Variants in PAWR observed in about 807,000 individuals in gnomAD.
PAWR encodes the protein PRKC apoptosis WT1 regulator protein.
A neutral mutation model predicts 32.0 loss-of-function variants in PAWR; 23 were observed. That is an observed-to-expected ratio of 0.72 (90% CI 0.52 to 1.02). PAWR has a LOEUF of 1.02. PAWR is among the 50% of genes least tolerant of loss of function. PAWR has a pLI of 0.00. For synonymous variants in PAWR, 226 were observed against 187.1 expected, an observed-to-expected ratio of 1.21 and a Z score of -1.70; for missense variants, 457 against 437.7, an observed-to-expected ratio of 1.04 and a Z score of -0.39.
chr12:79,634,363 A>G (rs1407944701), intron 2 of PAWR, among the ~76,000 whole-genome samples: 1 of 152,202 alleles, frequency 6.6e-6, no homozygotes, highest in East Asian at 1.9e-4. Flanking sequence ...CTCAGATTTT[A>G]GAACTGGAAA....
rs1332697993 is a variant in PAWR, at chr12:79,586,775, T to C, written c.*5832A>G. ...AGGATTTTGATTCAGTCATAACAGA[T>C]TTTTGAAAGTGACAGTAAAATTATG... On this transcript the variant is annotated 3_prime_UTR_variant, in exon 7 of 7. Coordinates refer to ENST00000328827, the MANE Select transcript of PAWR (RefSeq NM_002583.4). The C allele has an allele frequency of 3.3e-5, 5 of 152,168 alleles. No individual in the cohort carries two copies. The East Asian group carries it at 9.6e-4, about 29-fold the overall frequency. The allele number at this position is 152,168 out of a possible 1,614,324, so 9.4% of individuals were successfully genotyped here.
intron 4 of PAWR, among the ~76,000 whole-genome samples, chr12:79,598,176 G>A (rs1473182692): frequency 6.6e-6 from 1 of 152,214 alleles, no homozygotes. Context: ...TATCAACTTG[G>A]TATGTTGTGT....
rs1873668811 is a variant in PAWR at position 79,594,363 on chromosome 12, C to T, written c.902G>A (p.Gly301Glu). The T allele has an allele frequency of 1.9e-6, 3 of 1,551,274 alleles. No individual in the cohort carries two copies. Among genetic ancestry groups the T allele is most frequent in the Non-Finnish European group, 2.7e-6 (3 of 1,131,574 alleles). Reference sequence around the variant, plus strand: ...TAAATCAATTTCTTCTTTGAGTTTTCCAATCATTTCCTCTTTATCTTGCAT... The same window carrying T: ...TAAATCAATTTCTTCTTTGAGTTTTTCAATCATTTCCTCTTTATCTTGCAT... ...RLMQDKEEMI[G>E]KLKEEIDLLN... Residue 301 changes from glycine (G) to glutamate (E), a missense_variant, in exon 6 of 7, where the codon GGA (glycine) becomes GAA (glutamate). Physicochemically the swap from Gly to Glu is moderately conservative, Grantham distance 98. Coordinates refer to ENST00000328827, the MANE Select transcript of PAWR (RefSeq NM_002583.4).
chr12:79,681,582 G>A (rs1878449490), intron 2 of PAWR, among the ~76,000 whole-genome samples: 1 of 152,084 alleles, frequency 6.6e-6, no homozygotes, highest in Admixed American at 6.5e-5. Flanking sequence ...CATTTCTCAA[G>A]TAGATTCAAA....
Position 79,690,382 on chromosome 12 carries a change from G to A in PAWR, c.-138C>T. ...AGGGACGGCCGCCGCTCCCACAGCA[G>A]CCGGCGGGGCTGAGGTGAAAGACAA... is the stretch of plus-strand genomic sequence containing the variant. On this transcript the variant is annotated 5_prime_UTR_variant, in exon 2 of 7. Coordinates refer to ENST00000328827, the MANE Select transcript of PAWR (RefSeq NM_002583.4). 1.5e-6 allele frequency: 2 copies of A among 1,348,358 alleles called. No homozygotes were observed. The highest frequency in any genetic ancestry group is 1.8e-5 in the South Asian group (1 of 56,198). 83.5% of individuals were successfully genotyped at this position (1,348,358 alleles called of 1,614,324 possible). A position where few individuals can be genotyped will look rare whatever the true frequency, so the allele number is the denominator to read the frequency against.
At chr12:79,634,530 TGAA>T (rs1413427714) in intron 2 of PAWR, among the ~76,000 whole-genome samples, 2 of 152,188 alleles carry the variant, frequency 1.3e-5, no homozygotes, top group Non-Finnish European at 2.9e-5. Flanking sequence ...ACACATTTGT[TGAA>T]TAGTGCAGTC....
At position 79,661,248 on chromosome 12, in the gene PAWR, C is replaced by CAAAA. The variant is rs397967995; in HGVS notation, c.516+28477_516+28480dup. On this transcript the variant is annotated intron_variant, in intron 2 of 6. Transcript: ENST00000328827. ...TGGGCGAAGAAGCGAGACTCTGTCT[C>CAAAA]AAAAAAAAAAAAAAAAAAAAGAACT... is the stretch of plus-strand genomic sequence containing the variant. 2.7e-4 allele frequency among the ~76,000 whole-genome samples: 19 copies of CAAAA among 71,434 alleles called. 1 individual carries two copies. Among genetic ancestry groups the CAAAA allele is most frequent in the Non-Finnish European group, 2.7e-4 (8 of 29,802 alleles). 46.9% of individuals were successfully genotyped at this position (71,434 alleles called of 152,430 possible). A position where few individuals can be genotyped will look rare whatever the true frequency, so the allele number is the denominator to read the frequency against.
At chr12:79,639,855 C>T (rs1876205596) in intron 2 of PAWR, among the ~76,000 whole-genome samples, 1 of 122,798 alleles carries the variant, frequency 8.1e-6, no homozygotes, top group Admixed American at 8.6e-5. Context: ...TATTCCTATT[C>T]CTATTCCTAT....
intron 5 of PAWR, among the ~76,000 whole-genome samples, chr12:79,595,514 T>C (rs1172035283): frequency 2.0e-5 from 3 of 152,218 alleles, no homozygotes; most frequent in Non-Finnish European, 2.9e-5. Flanking sequence ...TCTTCAAAAC[T>C]ATTAGATTAC....
intron 3 of PAWR, among the ~76,000 whole-genome samples, chr12:79,619,205 T>G (rs1874886695): frequency 6.6e-6 from 1 of 152,176 alleles, no homozygotes; most frequent in African/African-American, 2.4e-5. Flanking sequence ...ATCATCCCTT[T>G]GTAAAATGTA....
intron 2 of PAWR, among the ~76,000 whole-genome samples, chr12:79,657,763 C>T (rs572215189): frequency 9.9e-5 from 15 of 151,696 alleles, no homozygotes; most frequent in Admixed American, 9.8e-4. Context: ...CACTGCACCC[C>T]AGCCTGGGCC....
chr12:79,630,858 C>CAA (rs74262476), intron 2 of PAWR, among the ~76,000 whole-genome samples: 4 of 105,412 alleles, frequency 3.8e-5, no homozygotes, highest in East Asian at 2.8e-4. Context: ...GTACCAAAAC[C>CAA]AAAAAAAAAA....
chr12:79,605,039 A>C (rs1264623016), intron 4 of PAWR, among the ~76,000 whole-genome samples: 1 of 151,934 alleles, frequency 6.6e-6, no homozygotes, highest in East Asian at 1.9e-4. Flanking sequence ...TCACATGAAT[A>C]GTTCTCAGAT....
intron 5 of PAWR, among the ~76,000 whole-genome samples, chr12:79,595,121 T>C (rs983608820): frequency 1.3e-5 from 2 of 152,140 alleles, no homozygotes; most frequent in African/African-American, 4.8e-5. Context: ...TTCTTAAAAA[T>C]ACAAAGTTTA....
chr12:79,607,930 T>C (rs1874258709), intron 4 of PAWR, among the ~76,000 whole-genome samples: 1 of 151,176 alleles, frequency 6.6e-6, no homozygotes, highest in South Asian at 2.1e-4. Flanking sequence ...ATGCCTGTAA[T>C]CCCAGCTACT....
chr12:79,662,714 A>T (rs1340758466), intron 2 of PAWR, among the ~76,000 whole-genome samples: 1 of 152,206 alleles, frequency 6.6e-6, no homozygotes, highest in Non-Finnish European at 1.5e-5. Flanking sequence ...CAAATCACAT[A>T]AAGTCCATTT....
intron 2 of PAWR, among the ~76,000 whole-genome samples, chr12:79,688,192 T>C (rs540898084): frequency 6.6e-6 from 1 of 151,584 alleles, no homozygotes; most frequent in Admixed American, 6.6e-5. Context: ...CAAGATACAC[T>C]CTACTTACTT....
At chr12:79,636,932 A>G (rs1478502527) in intron 2 of PAWR, among the ~76,000 whole-genome samples, 2 of 152,178 alleles carry the variant, frequency 1.3e-5, no homozygotes, top group Non-Finnish European at 1.5e-5. Flanking sequence ...CAAAGTATAA[A>G]CACTCCTCAA....
chr12:79,651,771 A>T (rs1876860300), intron 2 of PAWR, among the ~76,000 whole-genome samples: 1 of 152,044 alleles, frequency 6.6e-6, no homozygotes, highest in African/African-American at 2.4e-5. Flanking sequence ...TCTGTAGTAG[A>T]TGTCTAAACC....
Sources: allele counts gnomAD v4.1 joint callset (sites outside exome capture counted in the v4.1 genomes callset), GRCh38; gene constraint gnomAD v4.1.1; transcripts MANE v1.5; gene names NCBI Gene and HGNC (gene_info 2026-07-23, HGNC 2026-07-21).